Variants in UVSSA observed in about 807,000 individuals in gnomAD.
UVSSA encodes UV stimulated scaffold protein A, also known as UV-stimulated scaffold protein A.
In UVSSA, 72 loss-of-function variants were observed where a neutral mutation model predicts 73.9. That is an observed-to-expected ratio of 0.97 (90% CI 0.81 to 1.19). The LOEUF (loss-of-function observed/expected upper bound fraction) is 1.19, where lower values mean the gene tolerates loss of function less well. Among genes scored for constraint, UVSSA ranks in the 50% most tolerant of loss-of-function variants. The pLI is 0.00. For synonymous variants in UVSSA, 454 were observed against 391.3 expected, an observed-to-expected ratio of 1.16 and a Z score of -1.89; for missense variants, 1,150 against 965.0, an observed-to-expected ratio of 1.19 and a Z score of -2.54.
chr4:1,353,902 C>T (rs1050376649), intron 5 of UVSSA, among the ~76,000 whole-genome samples: 2 of 152,208 alleles, frequency 1.3e-5, no homozygotes, highest in African/African-American at 2.4e-5. Context: ...AGCCTTGGCA[C>T]TGCAGCCTGG....
intron 5 of UVSSA, 49 bp from the exon 6 acceptor site, chr4:1,354,686 G>A (rs1374611419): frequency 6.4e-7 from 1 of 1,558,816 alleles, no homozygotes; most frequent in Non-Finnish European, 8.8e-7. Flanking sequence ...GGGGCCTGTG[G>A]GAGACGCCAG....
At chr4:1,380,712 T>C in intron 11 of UVSSA, 168 bp from the exon 12 acceptor site, 1 of 1,545,364 alleles carries the variant, frequency 6.5e-7, no homozygotes, top group Non-Finnish European at 8.7e-7. Context: ...CCTGTGGCTC[T>C]CAGGACGCCC....
chr4:1,392,729 C>G (rs1720435504), downstream of UVSSA: 2 of 152,160 alleles, frequency 1.3e-5, no homozygotes, highest in African/African-American at 4.8e-5. Context: ...ACCTGCAGTT[C>G]TTTGAGCTTC....
downstream of UVSSA, chr4:1,388,778 C>T (rs185688334): frequency 7.2e-5 from 11 of 152,216 alleles, no homozygotes; most frequent in East Asian, 1.7e-3. Context: ...TATATTGAAC[C>T]GACCTTGCAT....
chr4:1,389,042 A>G (rs1720338457), downstream of UVSSA: 1 of 152,176 alleles, frequency 6.6e-6, no homozygotes, highest in Non-Finnish European at 1.5e-5. Flanking sequence ...TTTACCAGTG[A>G]AGGCTGGGCT....
In UVSSA at chr4:1,387,710, T is replaced by C. The variant is rs1225459696; in HGVS notation, c.*1749T>C. ...TTGTTGAAAACATTATTTTTCCCCA[T>C]TGAATTATCTTCGCACCATTATTGA... On this transcript the variant is annotated 3_prime_UTR_variant, in exon 14 of 14. Transcript: ENST00000389851. 5 of 152,364 alleles carry C rather than the reference T, an allele frequency of 3.3e-5. No homozygotes were observed. The highest frequency in any genetic ancestry group is 9.6e-5 in the African/African-American group (4 of 41,584). The allele number at this position is 152,364 out of a possible 1,614,324, so 9.4% of individuals were successfully genotyped here. A position where few individuals can be genotyped will look rare whatever the true frequency, so the allele number is the denominator to read the frequency against.
chr4:1,348,596 A>G (rs1239058516), intron 2 of UVSSA, among the ~76,000 whole-genome samples: 2 of 152,178 alleles, frequency 1.3e-5, no homozygotes, highest in African/African-American at 4.8e-5. Flanking sequence ...ACTTCCTCCA[A>G]GGAAAACGCC....
rs1175010169 is a variant in UVSSA at position 1,375,394 on chromosome 4, T to C, written c.1319T>C (p.Val440Ala). Residue 440 changes from valine to alanine, a missense_variant, in exon 9 of 14, where the codon GTT (valine) becomes GCT (alanine). Physicochemically the swap from Val to Ala is moderately conservative, Grantham distance 64. Transcript: ENST00000389851. ...GAGGCAGCACCAGAGAAAGACACAGTTGTGCGGTGCTTGCGGACGAGGACG... is the reference window on the plus strand; with the variant it reads ...GAGGCAGCACCAGAGAAAGACACAGCTGTGCGGTGCTTGCGGACGAGGACG... ...GLEAAPEKDT[V>A]VRCLRTRTRM... 2.5e-6 allele frequency: 4 copies of C among 1,613,574 alleles called. No homozygotes were observed. The highest frequency in any genetic ancestry group is 2.7e-5 in the African/African-American group (2 of 75,038).
intron 4 of UVSSA, among the ~76,000 whole-genome samples, chr4:1,352,566 C>A (rs997918715): frequency 6.6e-5 from 10 of 152,230 alleles, no homozygotes; most frequent in African/African-American, 2.4e-4. Context: ...GGGCTGACCT[C>A]CCCTGCGCAC....
At position 1,351,799 on chromosome 4, in the gene UVSSA, CAAGA is replaced by C; in HGVS notation, c.519_522del (p.Arg174ProfsTer19). On this transcript the variant is annotated frameshift_variant, in exon 4 of 14. Coordinates refer to ENST00000389851, the MANE Select transcript of UVSSA (RefSeq NM_020894.4). LOFTEE classifies it high-confidence loss of function. ...GCAGAAGCACTTGGATAAAATTTATCAAGAAAGAGCCAGCCAGGCGGAGAGGGAG... is the reference window on the plus strand; with the variant it reads ...GCAGAAGCACTTGGATAAAATTTATCAAGAGCCAGCCAGGCGGAGAGGGAG... 1.2e-6 allele frequency: 2 copies of C among 1,613,666 alleles called. No individual in the cohort carries two copies. Among genetic ancestry groups the C allele is most frequent in the Non-Finnish European group, 1.7e-6 (2 of 1,179,846 alleles).
intron 8 of UVSSA, among the ~76,000 whole-genome samples, chr4:1,372,686 G>T (rs1718212331): frequency 7.5e-6 from 1 of 132,840 alleles, no homozygotes; most frequent in South Asian, 2.4e-4. Flanking sequence ...GCGTCTCAGG[G>T]CACTCACGTC....
intron 8 of UVSSA, among the ~76,000 whole-genome samples, chr4:1,368,873 G>C (rs562422486): frequency 1.3e-5 from 2 of 152,260 alleles, no homozygotes; most frequent in African/African-American, 4.8e-5. Context: ...TTTCGCTGCA[G>C]CCGCAGGTCC....
chr4:1,365,847 G>C (rs1289518603), intron 7 of UVSSA, among the ~76,000 whole-genome samples: 5 of 151,338 alleles, frequency 3.3e-5, no homozygotes, highest in African/African-American at 1.2e-4. Context: ...CACCTGGTGG[G>C]AAGATAACTG....
chr4:1,371,256 CTGTGTGTG>C (rs34839757), intron 8 of UVSSA, among the ~76,000 whole-genome samples: 2,683 of 146,594 alleles, frequency 0.018, 96 homozygotes, highest in African/African-American at 0.063. Flanking sequence ...GTGGGTGGAC[CTGTGTGTG>C]TGTGTGTGTG....
chr4:1,355,107 C>A lies in UVSSA; in HGVS notation c.1048-10C>A. ...CCGGCCCCTGAGCTGTTCGCACCCC[C>A]GTTTCGCAGCGCTTCACCCGCGTCG... On this transcript the variant is annotated splice_polypyrimidine_tract_variant and intron_variant, in intron 6 of 13. Transcript: ENST00000389851. The A allele has an allele frequency of 1.2e-6, 2 of 1,613,194 alleles. No homozygotes were observed. Among genetic ancestry groups the A allele is most frequent in the Non-Finnish European group, 1.7e-6 (2 of 1,179,678 alleles).
At chr4:1,383,657 G>T in intron 12 of UVSSA, 109 bp from the exon 13 acceptor site, 1 of 1,405,504 alleles carries the variant, frequency 7.1e-7, no homozygotes, top group South Asian at 1.2e-5. Flanking sequence ...TGGGCAAGGC[G>T]ACCCAGCCCC....
chr4:1,376,205 C>T (rs745412295), intron 10 of UVSSA, 37 bp downstream of exon 10: 3 of 1,580,370 alleles, frequency 1.9e-6, no homozygotes, highest in Non-Finnish European at 2.6e-6. Flanking sequence ...CCAGGGCACA[C>T]AACCAGGGTC....
intron 11 of UVSSA, chr4:1,380,552 G>A: frequency 1.7e-6 from 2 of 1,174,804 alleles, no homozygotes; most frequent in Admixed American, 2.7e-5. Context: ...AAAGTGAGGA[G>A]AGGCCAGGGG....
chr4:1,359,347 G>A (rs1716277561), intron 7 of UVSSA: 2 of 152,258 alleles, frequency 1.3e-5, no homozygotes, highest in Non-Finnish European at 2.9e-5. Context: ...GTCCAGCCTT[G>A]CCGCGCTGTA....
Sources: allele counts gnomAD v4.1 joint callset (sites outside exome capture counted in the v4.1 genomes callset), GRCh38; gene constraint gnomAD v4.1.1; transcripts MANE v1.5; gene names NCBI Gene and HGNC (gene_info 2026-07-23, HGNC 2026-07-21).